Variants in MCU observed in about 807,000 individuals in gnomAD.
MCU encodes calcium uniporter protein, mitochondrial.
Under a neutral mutation model 45.2 loss-of-function variants are expected in MCU, and 12 were observed. The observed-to-expected ratio is 0.27, with a 90% CI of 0.17 to 0.43. The LOEUF is 0.43. Among genes scored for constraint, MCU ranks in the 20% least tolerant of loss-of-function variants. The pLI, the probability that MCU is intolerant of heterozygous loss-of-function variation, is 1.00. For synonymous variants in MCU, 160 were observed against 165.1 expected, an observed-to-expected ratio of 0.97 and a Z score of 0.24; for missense variants, 324 against 436.7, an observed-to-expected ratio of 0.74 and a Z score of 2.30.
At chr10:72,696,439 A>G (rs955722430) in intron 1 of MCU, among the ~76,000 whole-genome samples, 1 of 152,030 alleles carries the variant, frequency 6.6e-6, no homozygotes, top group African/African-American at 2.4e-5. Context: ...ATAATTCGTT[A>G]CTAGAAAAGT....
At chr10:72,806,501 T>C (rs997078689) in intron 1 of MCU, among the ~76,000 whole-genome samples, 1 of 152,196 alleles carries the variant, frequency 6.6e-6, no homozygotes, top group African/African-American at 2.4e-5. Context: ...CTTTGATTCA[T>C]TAATTCATTC....
chr10:72,848,922 G>A (rs1370414439), intron 2 of MCU, among the ~76,000 whole-genome samples: 1 of 152,078 alleles, frequency 6.6e-6, no homozygotes, highest in African/African-American at 2.4e-5. Flanking sequence ...GAAAGAGATG[G>A]TGGTGGCCTG....
chr10:72,775,220 C>G (rs1476256292), intron 1 of MCU, among the ~76,000 whole-genome samples: 4 of 151,956 alleles, frequency 2.6e-5, no homozygotes, highest in Non-Finnish European at 4.4e-5. Flanking sequence ...CGGAATAAAA[C>G]TAGAAATCAA....
At chr10:72,752,083 C>T (rs893486225) in intron 1 of MCU, among the ~76,000 whole-genome samples, 2 of 151,940 alleles carry the variant, frequency 1.3e-5, no homozygotes, top group African/African-American at 4.8e-5. Context: ...TCGTGATCCA[C>T]CCCCCTAGGC....
Position 72,779,238 on chromosome 10 carries a change from G to A in MCU, c.151-55121G>A, listed in dbSNP as rs188886981. On this transcript the variant is annotated intron_variant, in intron 1 of 7. Transcript: ENST00000373053. ...CCACCTCGGCTTCCCAAAGTGCTGG[G>A]ATTACAGGCGTGAGCCACTGCGCCT... is the stretch of plus-strand genomic sequence containing the variant. Among the ~76,000 whole-genome samples, 477 of 152,288 alleles carry A rather than the reference G, an allele frequency of 3.1e-3. 3 individuals are homozygous for A. Among genetic ancestry groups the A allele is most frequent in the South Asian group, 4.1e-3 (20 of 4,830 alleles).
intron 5 of MCU, 121 bp downstream of exon 5, chr10:72,868,984 T>A: frequency 3.9e-6 from 4 of 1,026,096 alleles, no homozygotes; most frequent in Non-Finnish European, 5.6e-6. Flanking sequence ...AGTTCTTTAG[T>A]TTATGGGACT....
At chr10:72,711,805 G>A (rs1404391976) in intron 1 of MCU, among the ~76,000 whole-genome samples, 7 of 145,504 alleles carry the variant, frequency 4.8e-5, no homozygotes, top group Admixed American at 2.2e-4. Flanking sequence ...TCCATCTCCC[G>A]GGTTCACGTC....
chr10:72,885,077 G>A lies in MCU; in HGVS notation c.979-668G>A, dbSNP rs548539792. On this transcript the variant is annotated intron_variant, in intron 7 of 7. Transcript: ENST00000373053. ...CTTTCCTGTCTCTTCTTGATGATAG[G>A]GTTGTGCTTTGAATAGGCTTAATCC... Among the ~76,000 whole-genome samples the A allele has an allele frequency of 2.2e-4, 33 of 152,140 alleles. No homozygotes were observed. The South Asian group carries it at 6.9e-3, about 32-fold the overall frequency.
intron 1 of MCU, among the ~76,000 whole-genome samples, chr10:72,753,095 G>A (rs1207567480): frequency 5.3e-5 from 8 of 152,174 alleles, no homozygotes; most frequent in Admixed American, 5.2e-4. Context: ...ACATTATAGG[G>A]TGAAGAATTT....
intron 1 of MCU, chr10:72,692,653 G>A: frequency 8.5e-7 from 1 of 1,172,552 alleles, no homozygotes; most frequent in Non-Finnish European, 1.1e-6. Flanking sequence ...AAGGCTCCCT[G>A]AACGGAGCCA....
At chr10:72,838,033 T>C (rs911693779) in intron 2 of MCU, among the ~76,000 whole-genome samples, 2 of 151,800 alleles carry the variant, frequency 1.3e-5, no homozygotes, top group African/African-American at 4.8e-5. Context: ...ATTTTTTTTT[T>C]TGTATATTTA....
At chr10:72,843,822 TC>T (rs1269317769) in intron 2 of MCU, among the ~76,000 whole-genome samples, 2 of 104,972 alleles carry the variant, frequency 1.9e-5, no homozygotes, top group African/African-American at 5.8e-5. Flanking sequence ...TACAGTCTTT[TC>T]CCCTTGTTTA....
chr10:72,782,459 C>T (rs1844009304), intron 1 of MCU, among the ~76,000 whole-genome samples: 1 of 152,132 alleles, frequency 6.6e-6, no homozygotes, highest in East Asian at 1.9e-4. Flanking sequence ...CAACCTCTGC[C>T]TCCTGGGTTC....
intron 1 of MCU, among the ~76,000 whole-genome samples, chr10:72,804,301 C>G (rs1844396344): frequency 6.6e-6 from 1 of 151,364 alleles, no homozygotes; most frequent in Non-Finnish European, 1.5e-5. Context: ...GTTGGCCAGG[C>G]TGGTCACAAA....
intron 1 of MCU, among the ~76,000 whole-genome samples, chr10:72,765,218 A>G (rs1843708955): frequency 6.6e-6 from 1 of 152,162 alleles, no homozygotes; most frequent in Admixed American, 6.6e-5. Context: ...TTAATTTACA[A>G]CTATTTGATT....
intron 1 of MCU, among the ~76,000 whole-genome samples, chr10:72,714,935 T>C (rs769902222): frequency 6.6e-5 from 10 of 152,232 alleles, no homozygotes; most frequent in Non-Finnish European, 1.0e-4. Flanking sequence ...TAATTTTTTT[T>C]AAAAGTGCTC....
chr10:72,878,196 G>A (rs1465019300), intron 6 of MCU, among the ~76,000 whole-genome samples: 2 of 126,054 alleles, frequency 1.6e-5, no homozygotes, highest in African/African-American at 6.3e-5. Flanking sequence ...ATGGCTTACT[G>A]TAGCCTCATA....
chr10:72,772,730 A>G (rs1343492094), intron 1 of MCU, among the ~76,000 whole-genome samples: 1 of 152,234 alleles, frequency 6.6e-6, no homozygotes, highest in Non-Finnish European at 1.5e-5. Flanking sequence ...CAAGCCAGAT[A>G]GAAAAAACCA....
chr10:72,752,540 T>G (rs1843517570), intron 1 of MCU, among the ~76,000 whole-genome samples: 1 of 152,204 alleles, frequency 6.6e-6, no homozygotes, highest in Non-Finnish European at 1.5e-5. Context: ...GGCTAGCTTT[T>G]TGGTGGCAGT....
Sources: allele counts gnomAD v4.1 joint callset (sites outside exome capture counted in the v4.1 genomes callset), GRCh38; gene constraint gnomAD v4.1.1; transcripts MANE v1.5; gene names NCBI Gene and HGNC (gene_info 2026-07-23, HGNC 2026-07-21).